Variants in DECR1 observed in about 807,000 individuals in gnomAD.
DECR1 encodes the protein 2,4-dienoyl-CoA reductase 1, also known as 2,4-dienoyl-CoA reductase [(3E)-enoyl-CoA-producing], mitochondrial.
Under a neutral mutation model 38.8 loss-of-function variants are expected in DECR1, and 44 were observed. The observed-to-expected ratio is 1.13, with a 90% CI of 0.89 to 1.46. DECR1 has a LOEUF of 1.46. Among genes scored for constraint, DECR1 ranks in the 40% most tolerant of loss-of-function variants. The pLI is 0.00. For synonymous variants in DECR1, 148 were observed against 135.2 expected (o/e 1.09, Z -0.66); for missense variants, 428 against 405.5 (o/e 1.06, Z -0.48).
chr8:90,010,997 T>G, intron 1 of DECR1, among the ~76,000 whole-genome samples: 1 of 152,184 alleles, frequency 6.6e-6, no homozygotes, highest in East Asian at 1.9e-4. Flanking sequence ...TAAAAGGATA[T>G]GCAGTGACAG....
chr8:90,051,798 A>G lies in DECR1; in HGVS notation c.949-40A>G, dbSNP rs758417462. On this transcript the variant is annotated intron_variant, in intron 9 of 9. Transcript: ENST00000220764. ...AGCTAGGATACTAAGCTTTAAAAAC[A>G]TGTAAAAAGGACATTAAATTGACAT... is the stretch of plus-strand genomic sequence containing the variant. 6 of 1,612,956 alleles carry G rather than the reference A, an allele frequency of 3.7e-6. No homozygotes were observed. In the South Asian group the frequency reaches 6.6e-5, roughly 18 times the overall value.
At chr8:90,028,054 A>G (rs1377154398) in intron 5 of DECR1, among the ~76,000 whole-genome samples, 1 of 152,010 alleles carries the variant, frequency 6.6e-6, no homozygotes, top group East Asian at 1.9e-4. Flanking sequence ...GTGCTTGCTT[A>G]GTTTAGTGAT....
chr8:90,046,358 G>C lies in DECR1; in HGVS notation c.885+1363G>C, dbSNP rs12681562. On this transcript the variant is annotated intron_variant, in intron 8 of 9. Transcript: ENST00000220764. The stretch of plus-strand genomic sequence containing the variant: ...AGAAGACCCTAAATGACCTGATGGA[G>C]CTGAAAACCATGACATGAGAAATAC... Among the ~76,000 whole-genome samples the C allele has an allele frequency of 7.9e-5, 12 of 152,220 alleles. No homozygotes were observed. In the East Asian group the frequency reaches 2.3e-3, roughly 29 times the overall value.
intron 2 of DECR1, among the ~76,000 whole-genome samples, chr8:90,017,799 T>C (rs1813046530): frequency 2.0e-5 from 3 of 152,208 alleles, no homozygotes; most frequent in Admixed American, 2.0e-4. Flanking sequence ...GAGGTTGCTT[T>C]GTCTTCAGTG....
At chr8:90,032,242 C>CAT (rs1813514331) in intron 5 of DECR1, among the ~76,000 whole-genome samples, 1 of 152,086 alleles carries the variant, frequency 6.6e-6, no homozygotes, top group Non-Finnish European at 1.5e-5. Context: ...TGGTTACTGT[C>CAT]AGCTTAGGGC....
chr8:90,017,921 T>C lies in DECR1; in HGVS notation c.272+595T>C, dbSNP rs1813050137. 2.0e-5 allele frequency among the ~76,000 whole-genome samples: 3 copies of C among 152,204 alleles called. No homozygotes were observed. The South Asian group carries it at 6.2e-4, about 32-fold the overall frequency. On this transcript the variant is annotated intron_variant, in intron 2 of 9. Transcript: ENST00000220764. ...TGTGAGGTGGAGTTTTGTCCAGCTC[T>C]TGTCGCCCAGGCTGGAGTGCAGTGG... is the stretch of plus-strand genomic sequence containing the variant.
chr8:90,007,531 G>C (rs4492426), intron 1 of DECR1, among the ~76,000 whole-genome samples: 1 of 152,034 alleles, frequency 6.6e-6, no homozygotes, highest in Non-Finnish European at 1.5e-5. Context: ...GAGTCACCAA[G>C]GTGGGGCAGG....
Position 90,034,438 on chromosome 8 carries a change from A to G in DECR1, c.566-2403A>G, listed in dbSNP as rs189290976. ...TAAGCCTTTATTTGTTTATTTATTT[A>G]TTTGTTTGTTTGTTTATTTATTTAT... On this transcript the variant is annotated intron_variant, in intron 5 of 9. Transcript: ENST00000220764. Among the ~76,000 whole-genome samples, 14 of 151,756 alleles carry G rather than the reference A, an allele frequency of 9.2e-5. No individual in the cohort carries two copies. In the East Asian group the frequency reaches 1.5e-3, roughly 17 times the overall value.
chr8:90,041,340 GTTTAAGTTC>G (rs777564152), intron 6 of DECR1, among the ~76,000 whole-genome samples: 1 of 151,730 alleles, frequency 6.6e-6, no homozygotes, highest in Non-Finnish European at 1.5e-5. Context: ...AGTTTAATTT[GTTTAAGTTC>G]TTTAAGTTCT....
intron 8 of DECR1, among the ~76,000 whole-genome samples, chr8:90,045,388 G>A (rs552962242): frequency 9.9e-5 from 15 of 152,138 alleles, no homozygotes; most frequent in East Asian, 3.9e-4. Flanking sequence ...TATATCCCGC[G>A]CATGGCTCAG....
At chr8:90,020,445 G>A (rs1397697465) in intron 4 of DECR1, among the ~76,000 whole-genome samples, 1 of 152,124 alleles carries the variant, frequency 6.6e-6, no homozygotes, top group Non-Finnish European at 1.5e-5. Context: ...TGGAGTGCAA[G>A]TGGCACAATC....
intron 6 of DECR1, among the ~76,000 whole-genome samples, chr8:90,038,432 G>A (rs1445964040): frequency 2.0e-5 from 3 of 150,066 alleles, no homozygotes; most frequent in African/African-American, 7.3e-5. Context: ...GTAGCAGAGA[G>A]AGAGAGCAGG....
At chr8:90,046,222 T>C (rs1813897235) in intron 8 of DECR1, among the ~76,000 whole-genome samples, 3 of 152,328 alleles carry the variant, frequency 2.0e-5, no homozygotes, top group Admixed American at 6.5e-5. Flanking sequence ...CTTCAGATGA[T>C]TGGTAATAAC....
At chr8:90,021,431 A>G (rs751681862) in intron 5 of DECR1, among the ~76,000 whole-genome samples, 3 of 152,196 alleles carry the variant, frequency 2.0e-5, no homozygotes, top group Non-Finnish European at 4.4e-5. Context: ...ATAGGGAATG[A>G]TGAAAACTTT....
intron 1 of DECR1, among the ~76,000 whole-genome samples, chr8:90,007,684 G>T (rs1354183732): frequency 6.6e-6 from 1 of 152,164 alleles, no homozygotes; most frequent in East Asian, 1.9e-4. Context: ...CTAGATCTCA[G>T]ATATCTCCCA....
At chr8:90,051,023 G>A (rs532890439) in intron 8 of DECR1, among the ~76,000 whole-genome samples, 85 of 152,198 alleles carry the variant, frequency 5.6e-4, no homozygotes, top group Middle Eastern at 6.8e-3. Flanking sequence ...GGGGCCCGTC[G>A]TGGGGTGGGA....
chr8:90,027,517 T>C (rs2130091564), intron 5 of DECR1, among the ~76,000 whole-genome samples: 1 of 152,282 alleles, frequency 6.6e-6, no homozygotes, highest in East Asian at 1.9e-4. Context: ...TTAAAGTCTG[T>C]TTTATCAGAG....
At chr8:90,033,512 G>A (rs571468457) in intron 5 of DECR1, among the ~76,000 whole-genome samples, 4 of 152,238 alleles carry the variant, frequency 2.6e-5, no homozygotes, top group African/African-American at 9.6e-5. Context: ...TAACCCTGGG[G>A]ATCTAGGAAT....
intron 1 of DECR1, among the ~76,000 whole-genome samples, chr8:90,010,533 T>C (rs568639267): frequency 1.8e-4 from 27 of 152,322 alleles, no homozygotes; most frequent in Non-Finnish European, 2.9e-4. Context: ...ATTCAGGGAG[T>C]ACATAAGGTG....
Sources: gnomAD v4.1 joint callset for allele counts (sites outside exome capture counted in the v4.1 genomes callset) on GRCh38, gnomAD v4.1.1 for gene constraint, MANE v1.5 for transcripts, NCBI Gene and HGNC (gene_info 2026-07-23, HGNC 2026-07-21) for gene names.